Variants in IGHMBP2 observed in about 807,000 individuals in gnomAD.
IGHMBP2 encodes the protein immunoglobulin mu DNA binding protein 2.
Under a neutral mutation model 96.0 loss-of-function variants are expected in IGHMBP2, and 81 were observed. The observed-to-expected ratio is 0.84, with a 90% CI of 0.71 to 1.01. The LOEUF is 1.01. Ranked by LOEUF, IGHMBP2 falls within the 50% of genes least tolerant of loss-of-function variation. The pLI, the probability that IGHMBP2 is intolerant of heterozygous loss-of-function variation, is 0.00. For synonymous variants in IGHMBP2, 557 were observed against 548.9 expected, an observed-to-expected ratio of 1.01 and a Z score of -0.21; for missense variants, 1,227 against 1,306.3, an observed-to-expected ratio of 0.94 and a Z score of 0.94.
In IGHMBP2 at chr11:68,929,336, C is replaced by G. The variant is rs778826310; in HGVS notation, c.1214C>G (p.Pro405Arg). ...CTGGCGGGCGATCACAAGCAGCTGCCCCCCACCACAGTCTCTCACAAGTAA... is the reference window on the plus strand; with the variant it reads ...CTGGCGGGCGATCACAAGCAGCTGCGCCCCACCACAGTCTCTCACAAGTAA... Reference protein sequence around the residue: ...CILAGDHKQLPPTTVSHKAAL... With the variant: ...CILAGDHKQLRPTTVSHKAAL... Residue 405 changes from proline (P) to arginine (R), a missense_variant, in exon 8 of 15, where the codon CCC becomes CGC. Physicochemically the swap from Pro to Arg is moderately radical, Grantham distance 103 (BLOSUM62 -2). Coordinates refer to ENST00000255078, the MANE Select transcript of IGHMBP2 (RefSeq NM_002180.3). 7 of 1,613,412 alleles carry G rather than the reference C, an allele frequency of 4.3e-6. No individual in the cohort carries two copies. Among genetic ancestry groups the G allele is most frequent in the Non-Finnish European group, 5.9e-6 (7 of 1,180,002 alleles).
intron 7 of IGHMBP2, 43 bp downstream of exon 7, chr11:68,917,926 G>A (rs757175869): frequency 2.5e-6 from 4 of 1,597,788 alleles, no homozygotes; most frequent in East Asian, 2.2e-5. Flanking sequence ...CTCGAAGAAG[G>A]AGTTGGGGTG....
intron 1 of IGHMBP2, among the ~76,000 whole-genome samples, chr11:68,904,345 C>A (rs1267435156): frequency 6.6e-6 from 1 of 152,190 alleles, no homozygotes; most frequent in African/African-American, 2.4e-5. Flanking sequence ...GAGTTAGCAG[C>A]CCTTTCCCTT....
intron 12 of IGHMBP2, 97 bp downstream of exon 12, chr11:68,935,519 C>T (rs1339490512): frequency 7.0e-7 from 1 of 1,427,094 alleles, no homozygotes; most frequent in African/African-American, 1.4e-5. Context: ...ACACTGGTTT[C>T]TGGCAGTGTG....
chr11:68,935,959 C>A (rs1298071642), intron 12 of IGHMBP2, among the ~76,000 whole-genome samples: 1 of 152,204 alleles, frequency 6.6e-6, no homozygotes, highest in African/African-American at 2.4e-5. Flanking sequence ...CTGGTGCCAG[C>A]TGCAGCCACA....
chr11:68,930,560 G>C, intron 8 of IGHMBP2: 1 of 1,184,614 alleles, frequency 8.4e-7, no homozygotes. Flanking sequence ...GTCCTGGTGG[G>C]AGACACATGG....
chr11:68,911,073 A>G (rs1410500200), intron 4 of IGHMBP2, among the ~76,000 whole-genome samples: 2 of 152,138 alleles, frequency 1.3e-5, no homozygotes, highest in Admixed American at 6.5e-5. Flanking sequence ...CTGTTACTCT[A>G]GAGCAGGGGT....
chr11:68,909,722 G>A (rs1858357158), intron 4 of IGHMBP2, among the ~76,000 whole-genome samples: 4 of 150,838 alleles, frequency 2.7e-5, no homozygotes, highest in Admixed American at 2.6e-4. Flanking sequence ...CCGCCTCCTG[G>A]GTTCAAGTGA....
chr11:68,904,134 AT>A, intron 1 of IGHMBP2, 96 bp downstream of exon 1: 1 of 1,066,424 alleles, frequency 9.4e-7, no homozygotes, highest in Non-Finnish European at 1.4e-6. Flanking sequence ...TGGGGCGGGA[AT>A]TTCGTCTCCG....
intron 7 of IGHMBP2, among the ~76,000 whole-genome samples, chr11:68,922,365 CA>C (rs1358139359): frequency 1.3e-5 from 2 of 151,770 alleles, no homozygotes; most frequent in Non-Finnish European, 2.9e-5. Context: ...TGGTTTTAAG[CA>C]ATTTGACTAT....
intron 2 of IGHMBP2, 76 bp from the exon 3 acceptor site, chr11:68,908,069 A>G (rs1858273177): frequency 2.1e-5 from 23 of 1,084,226 alleles, no homozygotes; most frequent in Non-Finnish European, 3.3e-5. Flanking sequence ...TATTTGAAGT[A>G]TAGTGGATTT....
At chr11:68,906,380 T>A in intron 2 of IGHMBP2, 142 bp downstream of exon 2, 2 of 916,716 alleles carry the variant, frequency 2.2e-6, no homozygotes, top group Non-Finnish European at 3.5e-6. Flanking sequence ...AGTCCAACAA[T>A]TGATGTGGGT....
At chr11:68,933,096 G>A (rs1859378006) in intron 8 of IGHMBP2, 2 of 611,130 alleles carry the variant, frequency 3.3e-6, no homozygotes, top group East Asian at 2.8e-5. Flanking sequence ...TCCTGTAAGG[G>A]AACATTCACG....
intron 1 of IGHMBP2, 46 bp from the exon 2 acceptor site, chr11:68,906,023 A>G: frequency 6.3e-7 from 1 of 1,585,690 alleles, no homozygotes; most frequent in Non-Finnish European, 8.7e-7. Context: ...GGGTGGAAGT[A>G]GAAACTAGTA....
intron 6 of IGHMBP2, among the ~76,000 whole-genome samples, chr11:68,915,517 C>G (rs1345528625): frequency 2.0e-5 from 3 of 150,576 alleles, no homozygotes; most frequent in Non-Finnish European, 1.5e-5. Flanking sequence ...GAGTCTCGCT[C>G]TGTCACCCAG....
chr11:68,908,782 T>C, intron 4 of IGHMBP2, 151 bp downstream of exon 4: 1 of 654,108 alleles, frequency 1.5e-6, no homozygotes, highest in Non-Finnish European at 2.7e-6. Flanking sequence ...CGGAGGGCCT[T>C]GCATGAACTG....
chr11:68,913,908 T>C (rs1197103306), intron 5 of IGHMBP2, among the ~76,000 whole-genome samples: 1 of 152,134 alleles, frequency 6.6e-6, no homozygotes, highest in African/African-American at 2.4e-5. Context: ...GAAAGCCAGT[T>C]ACTGAGGACA....
rs1032480901 is a variant in IGHMBP2 at position 68,911,573 on chromosome 11, C to A, written c.681C>A (p.Ile227=). The A allele has an allele frequency of 6.2e-7, 1 of 1,614,202 alleles. No homozygotes were observed. Among genetic ancestry groups the A allele is most frequent in the Non-Finnish European group, 8.5e-7 (1 of 1,180,040 alleles). ...GGAAAACCACGACTGTGGTTGAGAT[C>A]ATTCTTCAAGCTGTGAAACAAGGCT... ...GTGKTTTVVE[I]ILQAVKQGLK... Residue 227 remains isoleucine, a synonymous_variant, in exon 5 of 15, where the codon ATC becomes ATA. Transcript: ENST00000255078.
chr11:68,913,293 G>A (rs1479377029), intron 5 of IGHMBP2, among the ~76,000 whole-genome samples: 2 of 152,084 alleles, frequency 1.3e-5, no homozygotes, highest in African/African-American at 4.8e-5. Flanking sequence ...ATTGGGTGCC[G>A]ACTATTCACT....
intron 1 of IGHMBP2, among the ~76,000 whole-genome samples, chr11:68,904,314 G>C (rs1227944725): frequency 6.6e-6 from 1 of 151,978 alleles, no homozygotes; most frequent in African/African-American, 2.4e-5. Flanking sequence ...CCCTGGCCCC[G>C]ACCCCAGTTC....
Sources: gnomAD v4.1 joint callset for allele counts (sites outside exome capture counted in the v4.1 genomes callset) on GRCh38, gnomAD v4.1.1 for gene constraint, MANE v1.5 for transcripts, NCBI Gene and HGNC (gene_info 2026-07-23, HGNC 2026-07-21) for gene names.